ASMT: variants seen among roughly 807,000 people sequenced by gnomAD.
ASMT encodes the protein acetylserotonin N-methyltransferase.
Under a neutral mutation model 41.3 loss-of-function variants are expected in ASMT, and 53 were observed. That is an observed-to-expected ratio of 1.28 (90% CI 1.03 to 1.61). The LOEUF (loss-of-function observed/expected upper bound fraction) is 1.61, where lower values mean the gene tolerates loss of function less well. Among genes scored for constraint, ASMT ranks in the 40% most tolerant of loss-of-function variants. The probability of loss-of-function intolerance (pLI) is 0.00; values close to 1 mark genes in which losing one functional copy is unlikely to be tolerated. For synonymous variants in ASMT, 231 were observed against 184.8 expected, an observed-to-expected ratio of 1.25 and a Z score of -2.03; for missense variants, 531 against 441.3, an observed-to-expected ratio of 1.20 and a Z score of -1.82.
At chrX:1,627,678 A>T in intron 3 of ASMT, 25 bp from the exon 4 acceptor site, 1 of 1,489,442 alleles carries the variant, frequency 6.7e-7, no homozygotes, top group Non-Finnish European at 9.3e-7. Context: ...TGAAATGAAA[A>T]TCAGCCTTCT....
chrX:1,640,466 C>A (rs780065102), intron 8 of ASMT, among the ~76,000 whole-genome samples: 1 of 39,682 alleles, frequency 2.5e-5, no homozygotes, highest in Non-Finnish European at 3.6e-5. Context: ...AGATAGGGAC[C>A]ATGTCCCAGC....
chrX:1,615,169 C>A lies in ASMT; in HGVS notation c.-31C>A, dbSNP rs754583098. 6.4e-6 allele frequency: 10 copies of A among 1,569,516 alleles called. No homozygotes were observed. The Admixed American group carries it at 1.9e-4, about 29-fold the overall frequency. The stretch of plus-strand genomic sequence containing the variant: ...CTCCTTGAAGCAAGCGCTCCAGAGG[C>A]TCCGGAAGCCACGGCTGGATTGGAG... On this transcript the variant is annotated 5_prime_UTR_variant, in exon 1 of 9. Transcript: ENST00000381241.
At chrX:1,634,656 C>T (rs866925018) in intron 7 of ASMT, among the ~76,000 whole-genome samples, 3 of 105,842 alleles carry the variant, frequency 2.8e-5, no homozygotes, top group Non-Finnish European at 6.3e-5. Flanking sequence ...TGAGTTAACC[C>T]CCCCCCTTTT....
intron 4 of ASMT, 28 bp from the exon 5 acceptor site, chrX:1,629,793 T>C: frequency 6.2e-7 from 1 of 1,608,286 alleles, no homozygotes; most frequent in African/African-American, 1.3e-5. Context: ...ATCCTCACCA[T>C]CTTGACAAGC....
intron 1 of ASMT, among the ~76,000 whole-genome samples, chrX:1,616,435 A>G (rs1343154770): frequency 1.7e-4 from 25 of 151,440 alleles, no homozygotes; most frequent in Non-Finnish European, 7.4e-5. Context: ...GGTGGTTTGC[A>G]GAGGCTGGGC....
chrX:1,627,851 T>TG, intron 4 of ASMT, 80 bp downstream of exon 4: 5 of 1,346,890 alleles, frequency 3.7e-6, no homozygotes, highest in Non-Finnish European at 5.3e-6. Flanking sequence ...CCAATCCATT[T>TG]ACTCAAATGG....
At chrX:1,619,410 AG>A (rs1251165100) in intron 1 of ASMT, among the ~76,000 whole-genome samples, 1 of 148,762 alleles carries the variant, frequency 6.7e-6, no homozygotes, top group Non-Finnish European at 1.5e-5. Flanking sequence ...AAAAAAAAAA[AG>A]TGGGGGCTGG....
chrX:1,622,771 G>T (rs1934382083), intron 1 of ASMT, among the ~76,000 whole-genome samples: 1 of 151,400 alleles, frequency 6.6e-6, no homozygotes, highest in South Asian at 2.1e-4. Flanking sequence ...AATTAGACAG[G>T]CATGGTGGAA....
chrX:1,623,968 A>C (rs1322067437), intron 2 of ASMT, among the ~76,000 whole-genome samples: 1 of 152,072 alleles, frequency 6.6e-6, no homozygotes, highest in Non-Finnish European at 1.5e-5. Context: ...TATTTTAGAC[A>C]TTCTGTGGAA....
At chrX:1,631,971 C>T (rs1934794718) in intron 5 of ASMT, among the ~76,000 whole-genome samples, 2 of 152,104 alleles carry the variant, frequency 1.3e-5, no homozygotes, top group Non-Finnish European at 2.9e-5. Context: ...ATCGCTTGTA[C>T]CCGGGAAGTG....
In ASMT at chrX:1,615,059, G is replaced by A; in HGVS notation, c.-141G>A. ...CAAATTTCTAGAGTGATCCGTCTTT[G>A]TTTGAGTACTGGGCAGGCAGCAGGG... On this transcript the variant is annotated 5_prime_UTR_variant, in exon 1 of 9. Transcript: ENST00000381241. 1.3e-6 allele frequency: 1 copy of A among 743,668 alleles called. No individual in the cohort carries two copies. Among genetic ancestry groups the A allele is most frequent in the Non-Finnish European group, 2.4e-6 (1 of 411,146 alleles). The allele number at this position is 743,668 out of a possible 1,614,324, so 46.1% of individuals were successfully genotyped here.
chrX:1,623,243 T>C lies in ASMT; in HGVS notation c.174T>C (p.His58=). 6.2e-7 allele frequency: 1 copy of C among 1,613,768 alleles called. No individual in the cohort carries two copies. The highest frequency in any genetic ancestry group is 8.5e-7 in the Non-Finnish European group (1 of 1,179,854). The change falls in exon 2 of 9, where the codon CAT becomes CAC. Residue 58 remains histidine, a synonymous_variant. Coordinates refer to ENST00000381241, the MANE Select transcript of ASMT (RefSeq NM_001171038.2). ...AVAAGVRASA[H]GTELLLDICV... is the part of the protein sequence containing the mutation. ...CTGCAGGTGTGAGGGCCAGCGCCCA[T>C]GGGACAGAGCTCCTGCTGGACATCT...
Position 1,615,450 on chromosome X carries a change from G to A in ASMT, c.69+182G>A, listed in dbSNP as rs1389697437. 5.9e-5 allele frequency among the ~76,000 whole-genome samples: 9 copies of A among 151,998 alleles called. No homozygotes were observed. In the East Asian group the frequency reaches 1.5e-3, roughly 26 times the overall value. On this transcript the variant is annotated intron_variant, in intron 1 of 8. Transcript: ENST00000381241. Reference sequence around the variant, plus strand: ...TTCCTGAGGACATGTGCCCAGGGTGGTCTGGGGACAGCTTGGTTTGATACA... The same window carrying A: ...TTCCTGAGGACATGTGCCCAGGGTGATCTGGGGACAGCTTGGTTTGATACA...
chrX:1,632,841 T>C (rs1934827749), intron 6 of ASMT, 54 bp downstream of exon 6: 3 of 488,130 alleles, frequency 6.1e-6, no homozygotes, highest in African/African-American at 4.1e-5. Flanking sequence ...CGTCACACAC[T>C]GGGGCCTGTC....
chrX:1,625,475 CAG>C (rs1486392853), intron 3 of ASMT, among the ~76,000 whole-genome samples: 3 of 127,560 alleles, frequency 2.4e-5, no homozygotes, highest in South Asian at 5.2e-4. Flanking sequence ...GCCTGGGCAA[CAG>C]AGCAAAAACT....
At chrX:1,623,066 GT>G in intron 1 of ASMT, 72 bp from the exon 2 acceptor site, 1 of 1,477,096 alleles carries the variant, frequency 6.8e-7, no homozygotes, top group Non-Finnish European at 9.5e-7. Context: ...GCCTGCCATG[GT>G]ATGGGGTGTT....
At chrX:1,636,929 CAG>C (rs1934994880) in intron 8 of ASMT, among the ~76,000 whole-genome samples, 1 of 96,260 alleles carries the variant, frequency 1.0e-5, no homozygotes, top group Non-Finnish European at 2.2e-5. Flanking sequence ...GTGATGGGGA[CAG>C]TGTCCCAGCT....
At position 1,615,247 on chromosome X, in the gene ASMT, C is replaced by A; in HGVS notation, c.48C>A (p.Ala16=). The A allele has an allele frequency of 1.3e-6, 2 of 1,596,422 alleles. No homozygotes were observed. The highest frequency in any genetic ancestry group is 1.7e-6 in the Non-Finnish European group (2 of 1,171,546). The change falls in exon 1 of 9, where the codon GCC becomes GCA. Residue 16 remains alanine (A), a synonymous_variant. Coordinates refer to ENST00000381241, the MANE Select transcript of ASMT (RefSeq NM_001171038.2). Reference sequence around the variant, plus strand: ...CCTATCGCCTCCTTAATGACTACGCCAACGGCTTCATGGTGTCCCAGGTAG... The same window carrying A: ...CCTATCGCCTCCTTAATGACTACGCAAACGGCTTCATGGTGTCCCAGGTAG... The part of the protein sequence containing the change: ...DQAYRLLNDY[A]NGFMVSQVLF...
At chrX:1,633,003 A>C in intron 6 of ASMT, 147 bp from the exon 7 acceptor site, 1 of 843,536 alleles carries the variant, frequency 1.2e-6, no homozygotes, top group Non-Finnish European at 2.0e-6. Flanking sequence ...TAGAACTTAA[A>C]GTATAATAAA....
Sources: allele counts gnomAD v4.1 joint callset (sites outside exome capture counted in the v4.1 genomes callset), GRCh38; gene constraint gnomAD v4.1.1; transcripts MANE v1.5; gene names NCBI Gene and HGNC (gene_info 2026-07-23, HGNC 2026-07-21).